The following ZBTB20 variants were observed in gnomAD, a reference collection of about 807,000 sequenced individuals.
ZBTB20 encodes zinc finger and BTB domain-containing protein 20.
ZBTB20 carries 9 observed loss-of-function variants against 56.9 expected under a neutral mutation model. The ratio of observed to expected loss-of-function variants is 0.16; its 90% confidence interval spans 0.10 to 0.28. The LOEUF (loss-of-function observed/expected upper bound fraction) is 0.28, where lower values mean the gene tolerates loss of function less well. ZBTB20 is among the 10% of genes least tolerant of loss of function. The pLI is 1.00. For synonymous variants in ZBTB20, 417 were observed against 420.7 expected (o/e 0.99, Z 0.11); for missense variants, 655 against 1,003.0 (o/e 0.65, Z 4.69).
chr3:114,383,464 C>T (rs1014487236), intron 8 of ZBTB20, among the ~76,000 whole-genome samples: 1 of 152,196 alleles, frequency 6.6e-6, no homozygotes, highest in Non-Finnish European at 1.5e-5. Context: ...TCCTACCTGA[C>T]ATCTTGTATC....
In ZBTB20 at chr3:115,026,823, T is replaced by C. The variant is rs541348188; in HGVS notation, c.-507+44396A>G. ...TCAAAGTAATTTTATATGAAAAACA[T>C]TGCGGGAGGAAAATAGAATAAAAAG... On this transcript the variant is annotated intron_variant, in intron 2 of 11. Transcript: ENST00000675478. 1.7e-4 allele frequency among the ~76,000 whole-genome samples: 26 copies of C among 150,584 alleles called. 1 individual carries two copies. The highest frequency in any genetic ancestry group is 8.3e-4 in the South Asian group (4 of 4,808).
chr3:114,980,482 C>T (rs1426491382), intron 2 of ZBTB20, among the ~76,000 whole-genome samples: 1 of 151,794 alleles, frequency 6.6e-6, no homozygotes, highest in African/African-American at 2.4e-5. Context: ...TAAACATTTA[C>T]ATAAGTTCAT....
intron 6 of ZBTB20, among the ~76,000 whole-genome samples, chr3:114,624,583 C>A (rs1209349617): frequency 2.6e-5 from 4 of 152,160 alleles, no homozygotes; most frequent in Non-Finnish European, 5.9e-5. Context: ...AGTAGACAAA[C>A]TAAACTAAGC....
At position 114,325,646 on chromosome 3, in the gene ZBTB20, G is replaced by C. The variant is rs1463063935; in HGVS notation, c.*13359C>G. On this transcript the variant is annotated 3_prime_UTR_variant, in exon 12 of 12. Coordinates refer to ENST00000675478, the MANE Select transcript of ZBTB20 (RefSeq NM_001348800.3). ...ACTTTCTCCGGTAACCTTGACAACT[G>C]GCTTTAGGAATCCAGACCTGTATCA... 1 of 152,098 alleles carries C rather than the reference G, an allele frequency of 6.6e-6. No individual in the cohort carries two copies. The highest frequency in any genetic ancestry group is 1.5e-5 in the Non-Finnish European group (1 of 68,020). 9.4% of individuals were successfully genotyped at this position (152,098 alleles called of 1,614,324 possible). A position where few individuals can be genotyped will look rare whatever the true frequency, so the allele number is the denominator to read the frequency against.
intron 7 of ZBTB20, among the ~76,000 whole-genome samples, chr3:114,395,933 C>T (rs577563609): frequency 1.1e-4 from 16 of 152,150 alleles, no homozygotes; most frequent in African/African-American, 2.9e-4. Flanking sequence ...ATGCCATGAG[C>T]GTTAGCATTA....
chr3:114,977,077 A>C (rs2078132776), intron 2 of ZBTB20, among the ~76,000 whole-genome samples: 1 of 152,252 alleles, frequency 6.6e-6, no homozygotes, highest in Admixed American at 6.5e-5. Context: ...AGATAACAAA[A>C]GAATAAGAAA....
chr3:114,976,617 A>G (rs1356616113), intron 2 of ZBTB20, among the ~76,000 whole-genome samples: 1 of 149,716 alleles, frequency 6.7e-6, no homozygotes, highest in Non-Finnish European at 1.5e-5. Context: ...TAAGAGCAAA[A>G]CTCCGCCTCA....
chr3:114,731,251 G>A (rs2108541406), intron 5 of ZBTB20, among the ~76,000 whole-genome samples: 1 of 152,158 alleles, frequency 6.6e-6, no homozygotes, highest in South Asian at 2.1e-4. Context: ...CTACCATTCT[G>A]GCCACTTATA....
At chr3:114,358,282 C>T (rs532869284) in intron 10 of ZBTB20, among the ~76,000 whole-genome samples, 13 of 152,192 alleles carry the variant, frequency 8.5e-5, no homozygotes, top group East Asian at 5.8e-4. Flanking sequence ...TGTCATACCA[C>T]GAAGTTTTAC....
At chr3:114,482,190 C>T (rs1449973775) in intron 7 of ZBTB20, among the ~76,000 whole-genome samples, 1 of 152,142 alleles carries the variant, frequency 6.6e-6, no homozygotes, top group Admixed American at 6.5e-5. Context: ...AGCCTGAAGA[C>T]TTGAGGAGGC....
At chr3:114,726,231 G>C (rs993923063) in intron 5 of ZBTB20, among the ~76,000 whole-genome samples, 1 of 152,054 alleles carries the variant, frequency 6.6e-6, no homozygotes, top group African/African-American at 2.4e-5. Context: ...TTTTAGACAG[G>C]GTGGGGTGTT....
chr3:114,402,235 G>T (rs1005188297), intron 7 of ZBTB20, among the ~76,000 whole-genome samples: 1 of 152,120 alleles, frequency 6.6e-6, no homozygotes, highest in African/African-American at 2.4e-5. Flanking sequence ...AATTGTTTAG[G>T]CATATAAAAA....
rs902521678 is a variant in ZBTB20, at chr3:114,702,031, A to G, written c.-342-8456T>C. The stretch of plus-strand genomic sequence containing the variant: ...TATTAGGAGAAAGTTTTAAAACATA[A>G]TGCATAAAAAAAAATCAGATGATTG... On this transcript the variant is annotated intron_variant, in intron 5 of 11. Transcript: ENST00000675478. 5.3e-5 allele frequency among the ~76,000 whole-genome samples: 8 copies of G among 152,330 alleles called. No individual in the cohort carries two copies. The East Asian group carries it at 1.5e-3, about 29-fold the overall frequency.
intron 3 of ZBTB20, among the ~76,000 whole-genome samples, chr3:114,917,795 GCCATCA>G (rs1430277706): frequency 4.6e-5 from 7 of 152,112 alleles, no homozygotes; most frequent in Non-Finnish European, 8.8e-5. Flanking sequence ...TTCCCCTGTG[GCCATCA>G]CCACTGAGAC....
At chr3:114,966,769 A>T (rs920891277) in intron 3 of ZBTB20, among the ~76,000 whole-genome samples, 9 of 152,122 alleles carry the variant, frequency 5.9e-5, no homozygotes, top group African/African-American at 1.9e-4. Context: ...CAAGCCACTC[A>T]AAGCTCTAGA....
At chr3:114,372,174 T>C (rs1393642912) in intron 10 of ZBTB20, among the ~76,000 whole-genome samples, 1 of 152,210 alleles carries the variant, frequency 6.6e-6, no homozygotes, top group Non-Finnish European at 1.5e-5. Context: ...TAATTTTATA[T>C]AATGAAATCT....
rs1241875676 is a variant in ZBTB20 at position 114,391,724 on chromosome 3, G to A, written c.-254-2619C>T. Reference sequence around the variant, plus strand: ...CCCTCTTGCCTTGAGTCATAGAAACGGGGACTAAATTGAAAAGACCTAAAA... The same window carrying A: ...CCCTCTTGCCTTGAGTCATAGAAACAGGGACTAAATTGAAAAGACCTAAAA... On this transcript the variant is annotated intron_variant, in intron 7 of 11. Coordinates refer to ENST00000675478, the MANE Select transcript of ZBTB20 (RefSeq NM_001348800.3). 3.9e-5 allele frequency among the ~76,000 whole-genome samples: 6 copies of A among 152,144 alleles called. No homozygotes were observed. The East Asian group carries it at 7.7e-4, about 19-fold the overall frequency.
At chr3:114,541,958 A>G (rs1463281079) in intron 6 of ZBTB20, among the ~76,000 whole-genome samples, 7 of 152,192 alleles carry the variant, frequency 4.6e-5, no homozygotes, top group Non-Finnish European at 8.8e-5. Context: ...AGTTTATAGT[A>G]ATAGATCAAC....
intron 4 of ZBTB20, among the ~76,000 whole-genome samples, chr3:114,827,497 T>G (rs919632166): frequency 1.3e-4 from 20 of 151,844 alleles, no homozygotes; most frequent in African/African-American, 4.8e-4. Flanking sequence ...AAAACAAAAA[T>G]CATGAGAACA....
Sources: gnomAD v4.1 joint callset for allele counts (sites outside exome capture counted in the v4.1 genomes callset) on GRCh38, gnomAD v4.1.1 for gene constraint, MANE v1.5 for transcripts, NCBI Gene and HGNC (gene_info 2026-07-23, HGNC 2026-07-21) for gene names.